The following FRMD4A variants were observed in gnomAD, a reference collection of about 807,000 sequenced individuals.
FRMD4A encodes FERM domain-containing protein 4A.
A neutral mutation model predicts 129.1 loss-of-function variants in FRMD4A; 29 were observed. The ratio of observed to expected loss-of-function variants is 0.22; its 90% CI spans 0.17 to 0.31. The LOEUF (loss-of-function observed/expected upper bound fraction) is 0.31, where lower values mean the gene tolerates loss of function less well. FRMD4A is among the 10% of genes least tolerant of loss of function. The pLI is 1.00. For missense variants in FRMD4A, 1,272 were observed against 1,375.8 expected (o/e 0.92, Z 1.19); for synonymous variants, 634 against 571.6 (o/e 1.11, Z -1.56).
At chr10:14,322,614 G>T (rs1360207) in intron 2 of FRMD4A, among the ~76,000 whole-genome samples, 42,950 of 151,940 alleles carry the variant, frequency 0.28, 6,161 homozygotes, top group African/African-American at 0.31. Context: ...AGACTGTGAG[G>T]CTAAGATTTC....
At chr10:14,098,846 T>C (rs1837149407) in intron 2 of FRMD4A, among the ~76,000 whole-genome samples, 1 of 152,224 alleles carries the variant, frequency 6.6e-6, no homozygotes, top group South Asian at 2.1e-4. Flanking sequence ...CCTGCTTTCC[T>C]GGCACAGTAC....
intron 2 of FRMD4A, among the ~76,000 whole-genome samples, chr10:14,029,873 T>A (rs2131660179): frequency 6.6e-6 from 1 of 151,442 alleles, no homozygotes; most frequent in African/African-American, 2.4e-5. Flanking sequence ...TTGTATATGG[T>A]ATAAAATAAA....
chr10:13,724,526 G>T (rs1047468777), intron 12 of FRMD4A, among the ~76,000 whole-genome samples: 2 of 152,234 alleles, frequency 1.3e-5, no homozygotes, highest in Non-Finnish European at 2.9e-5. Context: ...TTTGGAGCGA[G>T]CGAGGCTATT....
At chr10:13,771,482 T>G (rs1386794821) in intron 6 of FRMD4A, among the ~76,000 whole-genome samples, 1 of 152,218 alleles carries the variant, frequency 6.6e-6, no homozygotes, top group Non-Finnish European at 1.5e-5. Context: ...CTCAGTGCAG[T>G]GTAGGCAACA....
intron 2 of FRMD4A, among the ~76,000 whole-genome samples, chr10:13,865,301 A>G (rs528986708): frequency 6.6e-6 from 1 of 152,262 alleles, no homozygotes; most frequent in Non-Finnish European, 1.5e-5. Flanking sequence ...TTAGCTGTTA[A>G]TTATTATCAG....
At chr10:14,255,460 C>G (rs1238015920) in intron 2 of FRMD4A, among the ~76,000 whole-genome samples, 1 of 152,182 alleles carries the variant, frequency 6.6e-6, no homozygotes, top group African/African-American at 2.4e-5. Flanking sequence ...GATGGGGACA[C>G]AAGAAGAGCC....
At chr10:13,808,807 C>T (rs1411581860) in intron 4 of FRMD4A, among the ~76,000 whole-genome samples, 1 of 152,204 alleles carries the variant, frequency 6.6e-6, no homozygotes, top group Non-Finnish European at 1.5e-5. Flanking sequence ...GCTGGAGAGA[C>T]CCTCCCACCT....
intron 2 of FRMD4A, among the ~76,000 whole-genome samples, chr10:14,093,169 C>T (rs1220387840): frequency 6.6e-6 from 1 of 152,156 alleles, no homozygotes; most frequent in Non-Finnish European, 1.5e-5. Context: ...TTGCAGGCTG[C>T]CTGCACGGCT....
At chr10:14,034,349 C>T (rs555415906) in intron 2 of FRMD4A, among the ~76,000 whole-genome samples, 6 of 152,286 alleles carry the variant, frequency 3.9e-5, no homozygotes, top group South Asian at 4.1e-4. Flanking sequence ...CAGAGACGCA[C>T]GTCCCTGACT....
intron 2 of FRMD4A, among the ~76,000 whole-genome samples, chr10:14,107,473 G>A (rs1837647125): frequency 1.3e-5 from 2 of 152,116 alleles, no homozygotes; most frequent in Non-Finnish European, 2.9e-5. Flanking sequence ...GTTGTTTAAA[G>A]TTAACTTTTT....
intron 18 of FRMD4A, among the ~76,000 whole-genome samples, chr10:13,665,757 C>T (rs1205020910): frequency 6.6e-6 from 1 of 152,192 alleles, no homozygotes; most frequent in Non-Finnish European, 1.5e-5. Flanking sequence ...TGGTCAGGTC[C>T]CTGAGAGTGT....
intron 12 of FRMD4A, among the ~76,000 whole-genome samples, chr10:13,734,858 ATTT>A (rs1317380124): frequency 6.9e-6 from 1 of 144,526 alleles, no homozygotes; most frequent in Admixed American, 7.4e-5. Flanking sequence ...TTATTTATTT[ATTT>A]ATTTATTTAT....
chr10:13,664,066 C>T (rs186542006), intron 18 of FRMD4A, among the ~76,000 whole-genome samples: 2 of 152,156 alleles, frequency 1.3e-5, no homozygotes, highest in Admixed American at 6.5e-5. Flanking sequence ...GAGAACACAC[C>T]CAAAAGGGAG....
chr10:14,312,536 A>G (rs748648490), intron 2 of FRMD4A, among the ~76,000 whole-genome samples: 11 of 152,252 alleles, frequency 7.2e-5, no homozygotes, highest in African/African-American at 2.7e-4. Flanking sequence ...GCACAAAGAT[A>G]TATGCACATA....
chr10:14,055,713 G>A (rs1003695173), intron 2 of FRMD4A, among the ~76,000 whole-genome samples: 2 of 152,188 alleles, frequency 1.3e-5, no homozygotes, highest in African/African-American at 4.8e-5. Context: ...TGGGTCCATA[G>A]TAGGTGTATA....
chr10:14,318,884 G>A (rs376735942), intron 2 of FRMD4A, among the ~76,000 whole-genome samples: 1 of 152,116 alleles, frequency 6.6e-6, no homozygotes, highest in South Asian at 2.1e-4. Flanking sequence ...TGTAACCAAG[G>A]AAATGCAACA....
intron 6 of FRMD4A, among the ~76,000 whole-genome samples, chr10:13,773,771 G>A (rs1181434303): frequency 6.6e-6 from 1 of 152,194 alleles, no homozygotes. Flanking sequence ...CAGAAAGTGC[G>A]GGAAGAGCTG....
At chr10:13,777,023 T>G (rs1431923159) in intron 6 of FRMD4A, among the ~76,000 whole-genome samples, 1 of 152,238 alleles carries the variant, frequency 6.6e-6, no homozygotes, top group Non-Finnish European at 1.5e-5. Context: ...TAGAGCCTTA[T>G]AACATCCTTG....
At chr10:14,124,301 C>T (rs1838704662) in intron 2 of FRMD4A, among the ~76,000 whole-genome samples, 1 of 152,174 alleles carries the variant, frequency 6.6e-6, no homozygotes, top group Admixed American at 6.5e-5. Flanking sequence ...ATGATCATTG[C>T]CTGAGTTGTA....
Sources: gnomAD v4.1 joint callset for allele counts (sites outside exome capture counted in the v4.1 genomes callset) on GRCh38, gnomAD v4.1.1 for gene constraint, MANE v1.5 for transcripts, NCBI Gene and HGNC (gene_info 2026-07-23, HGNC 2026-07-21) for gene names.